RAB11FIP2: variants seen among roughly 807,000 people sequenced by gnomAD.
RAB11FIP2 encodes rab11 family-interacting protein 2.
Under a neutral mutation model 40.9 loss-of-function variants are expected in RAB11FIP2, and 16 were observed. The ratio of observed to expected loss-of-function variants is 0.39; its 90% CI spans 0.26 to 0.59. RAB11FIP2 has a LOEUF of 0.59. Among genes scored for constraint, RAB11FIP2 ranks in the 20% least tolerant of loss-of-function variants. RAB11FIP2 has a pLI of 0.53. For missense variants in RAB11FIP2, 532 were observed against 606.2 expected, an observed-to-expected ratio of 0.88 and a Z score of 1.28; for synonymous variants, 228 against 213.7, an observed-to-expected ratio of 1.07 and a Z score of -0.58.
chr10:118,010,996 G>A lies in RAB11FIP2; in HGVS notation c.1312-1771C>T, dbSNP rs1589636404. Among the ~76,000 whole-genome samples, 7 of 151,910 alleles carry A rather than the reference G, an allele frequency of 4.6e-5. No individual in the cohort carries two copies. The South Asian group carries it at 1.5e-3, about 32-fold the overall frequency. ...AAAGAATTTTTAGACTTTTGCTATG[G>A]AAAATAGGAAGCCACTGAAGGTTTC... On this transcript the variant is annotated intron_variant, in intron 4 of 4. Coordinates refer to ENST00000355624, the MANE Select transcript of RAB11FIP2 (RefSeq NM_014904.3).
In RAB11FIP2 at chr10:118,008,922, A is replaced by G. The variant is rs1356332380; in HGVS notation, c.*76T>C. ...GAAACCTGATAGTGTAGTCTCTTTCAGTAACAAGTTTTTCCTTCCTTCCTT... is the reference window on the plus strand; with the variant it reads ...GAAACCTGATAGTGTAGTCTCTTTCGGTAACAAGTTTTTCCTTCCTTCCTT... On this transcript the variant is annotated 3_prime_UTR_variant, in exon 5 of 5. Coordinates refer to ENST00000355624, the MANE Select transcript of RAB11FIP2 (RefSeq NM_014904.3). The G allele has an allele frequency of 8.5e-7, 1 of 1,182,280 alleles. No individual in the cohort carries two copies. The highest frequency in any genetic ancestry group is 1.2e-6 in the Non-Finnish European group (1 of 809,492). 73.2% of individuals were successfully genotyped at this position (1,182,280 alleles called of 1,614,324 possible).
chr10:118,022,812 G>C (rs1846296696), intron 3 of RAB11FIP2, among the ~76,000 whole-genome samples: 1 of 152,060 alleles, frequency 6.6e-6, no homozygotes, highest in African/African-American at 2.4e-5. Flanking sequence ...AAAGTATGCT[G>C]AATACATTAA....
intron 3 of RAB11FIP2, among the ~76,000 whole-genome samples, chr10:118,038,069 T>C (rs937925372): frequency 2.6e-5 from 4 of 151,920 alleles, no homozygotes; most frequent in African/African-American, 4.8e-5. Flanking sequence ...CCATGGTTGA[T>C]TGAATCCAAA....
Position 118,008,440 on chromosome 10 carries a change from A to G in RAB11FIP2, c.*558T>C, listed in dbSNP as rs996726918. On this transcript the variant is annotated 3_prime_UTR_variant, in exon 5 of 5. Transcript: ENST00000355624. ...GGTAGCCTAACTTTAGAGGCAATCA[A>G]TTGTTTCTAAATGTTCTAAAAACAC... 2 of 153,490 alleles carry G rather than the reference A, an allele frequency of 1.3e-5. No homozygotes were observed. Among genetic ancestry groups the G allele is most frequent in the African/African-American group, 4.8e-5 (2 of 41,422 alleles). The allele number at this position is 153,490 out of a possible 1,614,324, so 9.5% of individuals were successfully genotyped here.
chr10:118,018,599 A>G (rs61314206), intron 3 of RAB11FIP2, among the ~76,000 whole-genome samples: 4,352 of 152,350 alleles, frequency 0.029, 144 homozygotes, highest in East Asian at 0.13. Context: ...TTACTTTGAG[A>G]TATTTCCAAA....
intron 3 of RAB11FIP2, among the ~76,000 whole-genome samples, chr10:118,016,834 T>G (rs1256069322): frequency 6.6e-6 from 1 of 152,194 alleles, no homozygotes; most frequent in Non-Finnish European, 1.5e-5. Flanking sequence ...ATCTGTAAAA[T>G]GGAGATGGCA....
intron 3 of RAB11FIP2, among the ~76,000 whole-genome samples, chr10:118,020,659 A>ACAGCTG (rs1429974086): frequency 6.6e-6 from 1 of 152,186 alleles, no homozygotes; most frequent in African/African-American, 2.4e-5. Context: ...ACCTACAGCC[A>ACAGCTG]CAGCTGCAGC....
intron 3 of RAB11FIP2, among the ~76,000 whole-genome samples, chr10:118,020,397 G>A (rs1232763635): frequency 2.0e-5 from 3 of 152,158 alleles, no homozygotes; most frequent in Non-Finnish European, 4.4e-5. Context: ...AACAGGTTTG[G>A]AAATAACTGT....
chr10:118,027,822 CAA>C (rs1846363135), intron 3 of RAB11FIP2, among the ~76,000 whole-genome samples: 1 of 151,934 alleles, frequency 6.6e-6, no homozygotes, highest in Admixed American at 6.6e-5. Flanking sequence ...TAATAATTTT[CAA>C]AAAGAGCTTT....
intron 3 of RAB11FIP2, among the ~76,000 whole-genome samples, chr10:118,028,061 C>T (rs1018571138): frequency 6.6e-6 from 1 of 152,122 alleles, no homozygotes; most frequent in Non-Finnish European, 1.5e-5. Context: ...ACATATCCCT[C>T]TCCATAGCTG....
At chr10:118,033,829 A>G (rs923494948) in intron 3 of RAB11FIP2, among the ~76,000 whole-genome samples, 5 of 152,152 alleles carry the variant, frequency 3.3e-5, no homozygotes, top group Non-Finnish European at 7.4e-5. Flanking sequence ...CCTCCTCAGT[A>G]GGATAAATAA....
Position 118,039,310 on chromosome 10 carries a change from A to G in RAB11FIP2, c.927T>C (p.Ala309=), listed in dbSNP as rs1191045807. The change falls in exon 3 of 5, where the codon GCT becomes GCC. Residue 309 remains alanine (A), a synonymous_variant. Coordinates refer to ENST00000355624, the MANE Select transcript of RAB11FIP2 (RefSeq NM_014904.3). ...RQNDPFTNVT[A]SLPQKFATLP... is the part of the protein sequence containing the mutation. ...GTGTTGCAAATTTTTGGGGTAATGA[A>G]GCAGTCACATTTGTAAATGGGTCAT... 3 of 1,613,714 alleles carry G rather than the reference A, an allele frequency of 1.9e-6. No individual in the cohort carries two copies. Among genetic ancestry groups the G allele is most frequent in the Non-Finnish European group, 1.7e-6 (2 of 1,179,738 alleles).
intron 4 of RAB11FIP2, among the ~76,000 whole-genome samples, chr10:118,010,140 C>A (rs1207466218): frequency 6.6e-6 from 1 of 152,038 alleles, no homozygotes; most frequent in Non-Finnish European, 1.5e-5. Flanking sequence ...AATCAAGGCC[C>A]TGTAACATAA....
At chr10:118,026,425 C>A (rs906886784) in intron 3 of RAB11FIP2, among the ~76,000 whole-genome samples, 2 of 152,094 alleles carry the variant, frequency 1.3e-5, no homozygotes, top group Admixed American at 6.5e-5. Context: ...GAATTTTATA[C>A]TCTTGATGAA....
At chr10:118,037,439 T>C (rs1846495198) in intron 3 of RAB11FIP2, among the ~76,000 whole-genome samples, 1 of 152,086 alleles carries the variant, frequency 6.6e-6, no homozygotes, top group Admixed American at 6.6e-5. Flanking sequence ...GGGCACAGCC[T>C]AAAAGTGATT....
chr10:118,014,558 T>C (rs1383854962), intron 4 of RAB11FIP2, among the ~76,000 whole-genome samples: 3 of 152,118 alleles, frequency 2.0e-5, no homozygotes, highest in Non-Finnish European at 4.4e-5. Flanking sequence ...GTTAACATAT[T>C]TGGTTTTGTT....
chr10:118,022,747 T>C (rs1846295978), intron 3 of RAB11FIP2, among the ~76,000 whole-genome samples: 1 of 152,212 alleles, frequency 6.6e-6, no homozygotes, highest in African/African-American at 2.4e-5. Context: ...CCATATCTCA[T>C]TCCTCTTTTC....
At chr10:118,040,594 T>C in intron 1 of RAB11FIP2, 29 bp from the exon 2 acceptor site, 1 of 1,464,572 alleles carries the variant, frequency 6.8e-7, no homozygotes, top group Non-Finnish European at 9.2e-7. Context: ...AAATTGGCTG[T>C]AACACATAAT....
At chr10:118,033,960 G>A (rs894903422) in intron 3 of RAB11FIP2, 3 of 701,554 alleles carry the variant, frequency 4.3e-6, no homozygotes, top group African/African-American at 1.7e-5. Flanking sequence ...TGCATGCAGA[G>A]ACCCAGGCTG....
Sources: allele counts gnomAD v4.1 joint callset (sites outside exome capture counted in the v4.1 genomes callset), GRCh38; gene constraint gnomAD v4.1.1; transcripts MANE v1.5; gene names NCBI Gene and HGNC (gene_info 2026-07-23, HGNC 2026-07-21).